TERF2: variants seen among roughly 807,000 people sequenced by gnomAD.
TERF2 encodes telomeric repeat binding factor 2, also known as telomeric repeat-binding factor 2.
Under a neutral mutation model 56.1 loss-of-function variants are expected in TERF2, and 16 were observed. The observed-to-expected ratio is 0.29, with a 90% confidence interval of 0.19 to 0.43. The LOEUF (loss-of-function observed/expected upper bound fraction) is 0.43. TERF2 is among the 20% of genes least tolerant of loss of function. The pLI, the probability that TERF2 is intolerant of heterozygous loss-of-function variation, is 1.00. For synonymous variants in TERF2, 296 were observed against 282.1 expected (o/e 1.05, Z -0.50); for missense variants, 547 against 712.9 (o/e 0.77, Z 2.65).
chr16:69,383,069 TAATA>T (rs2014061893), intron 3 of TERF2, among the ~76,000 whole-genome samples: 1 of 152,100 alleles, frequency 6.6e-6, no homozygotes, highest in South Asian at 2.1e-4. Flanking sequence ...TAAATAATAA[TAATA>T]AATACGCAGC....
intron 7 of TERF2, among the ~76,000 whole-genome samples, chr16:69,363,334 C>T (rs1338396085): frequency 6.6e-6 from 1 of 152,190 alleles, no homozygotes; most frequent in Non-Finnish European, 1.5e-5. Context: ...TCACCTTCTC[C>T]CTGTCCTCTG....
At position 69,372,655 on chromosome 16, in the gene TERF2, G is replaced by A. The variant is rs201441099; in HGVS notation, c.607-300C>T. Among the ~76,000 whole-genome samples the A allele has an allele frequency of 2.6e-5, 4 of 152,160 alleles. No individual in the cohort carries two copies. In the East Asian group the frequency reaches 5.8e-4, roughly 22 times the overall value. ...TGCATGCCTGTAATCCCAGCTACTCGGGAGGCTGAGGCAGGAGAATTGCTT... is the reference window on the plus strand; with the variant it reads ...TGCATGCCTGTAATCCCAGCTACTCAGGAGGCTGAGGCAGGAGAATTGCTT... On this transcript the variant is annotated intron_variant, in intron 3 of 9. Coordinates refer to ENST00000254942, the MANE Select transcript of TERF2 (RefSeq NM_005652.5).
At chr16:69,361,590 C>A in intron 7 of TERF2, 101 bp from the exon 8 acceptor site, 1 of 820,162 alleles carries the variant, frequency 1.2e-6, no homozygotes, top group South Asian at 1.4e-5. Context: ...TCCTTCCTGT[C>A]CCGTTGTGAC....
At chr16:69,385,289 A>C (rs969042185) in intron 2 of TERF2, 102 bp downstream of exon 2, 37 of 1,010,126 alleles carry the variant, frequency 3.7e-5, no homozygotes, top group Non-Finnish European at 4.9e-5. Context: ...ACTCTGATGG[A>C]AACTATCGCA....
At chr16:69,368,551 C>T in intron 5 of TERF2, 69 bp from the exon 6 acceptor site, 2 of 1,590,702 alleles carry the variant, frequency 1.3e-6, no homozygotes, top group Non-Finnish European at 1.7e-6. Flanking sequence ...CTTCTTTCAC[C>T]AAGAATATAC....
At chr16:69,383,177 C>CATCCTAAATCTGAAA (rs1431751422) in intron 3 of TERF2, among the ~76,000 whole-genome samples, 1 of 152,110 alleles carries the variant, frequency 6.6e-6, no homozygotes, top group Non-Finnish European at 1.5e-5. Context: ...ACAGGTTGAG[C>CATCCTAAATCTGAAA]ATCCTAAATC....
chr16:69,375,469 T>G (rs558918804), intron 3 of TERF2, among the ~76,000 whole-genome samples: 28 of 152,266 alleles, frequency 1.8e-4, no homozygotes, highest in African/African-American at 6.5e-4. Context: ...AAGGCCAAGG[T>G]AGGAGGATCA....
At position 69,382,733 on chromosome 16, in the gene TERF2, C is replaced by T. The variant is rs143120163; in HGVS notation, c.606+1847G>A. ...CCAGTAGGAAAGTGAGTCTTGTTAA[C>T]AACTATGTGAGTAGGGAAGCAGTTG... On this transcript the variant is annotated intron_variant, in intron 3 of 9. Coordinates refer to ENST00000254942, the MANE Select transcript of TERF2 (RefSeq NM_005652.5). Among the ~76,000 whole-genome samples the T allele has an allele frequency of 4.7e-3, 720 of 152,288 alleles. 11 individuals are homozygous for T. Among genetic ancestry groups the T allele is most frequent in the African/African-American group, 0.015 (644 of 41,552 alleles).
Position 69,366,955 on chromosome 16 carries a change from G to GCTT in TERF2, c.1189_1191dup (p.Lys397dup). ...AAGACCAATCTGCTTATTGTCATGC[G>GCTT]CTTGTTCTTGGGCTGCAGTTCCGAG... On this transcript the variant is annotated inframe_insertion, in exon 7 of 10. Transcript: ENST00000254942. The GCTT allele has an allele frequency of 6.2e-7, 1 of 1,614,186 alleles. No homozygotes were observed. The highest frequency in any genetic ancestry group is 1.7e-5 in the Admixed American group (1 of 60,022).
intron 7 of TERF2, among the ~76,000 whole-genome samples, chr16:69,361,905 C>T (rs2013155032): frequency 9.7e-6 from 1 of 103,530 alleles, no homozygotes; most frequent in Admixed American, 9.5e-5. Flanking sequence ...CCCCCTTGTT[C>T]AAGCTCACGG....
chr16:69,357,973 C>G (rs896786591), intron 8 of TERF2, among the ~76,000 whole-genome samples: 1 of 151,552 alleles, frequency 6.6e-6, no homozygotes, highest in East Asian at 1.9e-4. Context: ...CTCAGCCTCC[C>G]GAGTGACTAC....
intron 8 of TERF2, among the ~76,000 whole-genome samples, chr16:69,358,082 G>C (rs1446298356): frequency 1.3e-5 from 2 of 151,410 alleles, no homozygotes; most frequent in South Asian, 2.1e-4. Context: ...GAGCGATCTC[G>C]GCTCACTGCA....
At chr16:69,383,771 G>C (rs1044183495) in intron 3 of TERF2, among the ~76,000 whole-genome samples, 1 of 152,014 alleles carries the variant, frequency 6.6e-6, no homozygotes, top group African/African-American at 2.4e-5. Flanking sequence ...CCCCATCTTT[G>C]GGATCCCATC....
At chr16:69,369,979 G>A (rs1442732157) in intron 5 of TERF2, among the ~76,000 whole-genome samples, 1 of 152,176 alleles carries the variant, frequency 6.6e-6, no homozygotes, top group Non-Finnish European at 1.5e-5. Flanking sequence ...GGCAGATGAG[G>A]GAGACCAGGT....
chr16:69,376,034 T>A (rs1241092306), intron 3 of TERF2, among the ~76,000 whole-genome samples: 1 of 152,208 alleles, frequency 6.6e-6, no homozygotes, highest in South Asian at 2.1e-4. Flanking sequence ...CTCTTAACAG[T>A]GTTTTTCTCA....
chr16:69,383,962 A>G (rs1269588255), intron 3 of TERF2, among the ~76,000 whole-genome samples: 1 of 152,222 alleles, frequency 6.6e-6, no homozygotes, highest in African/African-American at 2.4e-5. Context: ...AAATTAAAAT[A>G]ATTTCTACTG....
rs1458501612 is a variant in TERF2 at position 69,385,707 on chromosome 16, G to T, written c.265C>A (p.Arg89=). 6.3e-7 allele frequency: 1 copy of T among 1,598,102 alleles called. No homozygotes were observed. Among genetic ancestry groups the T allele is most frequent in the South Asian group, 1.1e-5 (1 of 89,234 alleles). The change falls in exon 1 of 10, where the codon CGG becomes AGG. Residue 89 remains arginine, a synonymous_variant. Transcript: ENST00000254942. ...CAGCGATTGACTGCCTCTTCCAGCC[G>T]TGCCTCCCCCGCGCCGCGCTCCGCC... ...GPAERGAGEA[R]LEEAVNRWVL...
chr16:69,376,102 G>T (rs2013769098), intron 3 of TERF2, among the ~76,000 whole-genome samples: 1 of 152,252 alleles, frequency 6.6e-6, no homozygotes, highest in East Asian at 1.9e-4. Flanking sequence ...TCTTATGGAT[G>T]TTTTTAAATT....
Position 69,361,439 on chromosome 16 carries a change from G to C in TERF2, c.1391C>G (p.Thr464Ser). 6.2e-7 allele frequency: 1 copy of C among 1,614,004 alleles called. No individual in the cohort carries two copies. The highest frequency in any genetic ancestry group is 8.5e-7 in the Non-Finnish European group (1 of 1,179,926). ...NSSNGVEEKE[T>S]WVEEDELFQV... ...AAACAGTTCATCCTCTTCCACCCAA[G>C]TCTCCTTTTCTTCAACCCCATTAGA... The change falls in exon 8 of 10, where the codon ACT (threonine) becomes AGT (serine). Residue 464 changes from threonine (T) to serine (S), a missense_variant. Coordinates refer to ENST00000254942, the MANE Select transcript of TERF2 (RefSeq NM_005652.5).
Sources: allele counts gnomAD v4.1 joint callset (sites outside exome capture counted in the v4.1 genomes callset), GRCh38; gene constraint gnomAD v4.1.1; transcripts MANE v1.5; gene names NCBI Gene and HGNC (gene_info 2026-07-23, HGNC 2026-07-21).